PRR5: variants seen among roughly 807,000 people sequenced by gnomAD.
PRR5 encodes proline rich 5, also known as proline-rich protein 5.
A neutral mutation model predicts 30.6 loss-of-function variants in PRR5; 25 were observed. The observed-to-expected ratio is 0.82, with a 90% CI of 0.60 to 1.14. The LOEUF (loss-of-function observed/expected upper bound fraction) is 1.14. PRR5 is among the 50% of genes most tolerant of loss of function. The pLI is 0.00. For synonymous variants in PRR5, 286 were observed against 247.1 expected (o/e 1.16, Z -1.48); for missense variants, 600 against 547.1 (o/e 1.10, Z -0.96).
rs146968587 is a variant in PRR5 at position 44,707,671 on chromosome 22, C to T, written c.134+5063C>T. ...TACCAAGCCCTCTGAGCCAGTGCCC[C>T]GCCAGTTGCCCTCACCTCTGTCTGG... On this transcript the variant is annotated intron_variant, in intron 1 of 7. Transcript: ENST00000336985. 4.2e-3 allele frequency among the ~76,000 whole-genome samples: 639 copies of T among 152,344 alleles called. 2 individuals carry two copies. Among genetic ancestry groups the T allele is most frequent in the African/African-American group, 0.014 (600 of 41,592 alleles).
chr22:44,731,689 G>A (rs146718985), intron 4 of PRR5, 41 bp from the exon 5 acceptor site: 53 of 1,602,118 alleles, frequency 3.3e-5, no homozygotes, highest in Middle Eastern at 3.3e-4. Context: ...GCATCTGCCC[G>A]CGCCAGTCAG....
chr22:44,718,042 A>G (rs6007260), intron 2 of PRR5, among the ~76,000 whole-genome samples: 54,010 of 151,862 alleles, frequency 0.36, 9,880 homozygotes, highest in South Asian at 0.56. Flanking sequence ...TTCATGCCAT[A>G]TCATATTCTA....
At chr22:44,702,644 GGAGCCGGGGGAGGGGACCCCT>G (rs1341517254) in intron 1 of PRR5, 36 bp downstream of exon 1, 1 of 1,263,782 alleles carries the variant, frequency 7.9e-7, no homozygotes, top group East Asian at 3.2e-5. Flanking sequence ...CGGAGGCCCT[GGAGCCGGGGGAGGGGACCCCT>G]GAGCCGTCCG....
chr22:44,723,894 G>A (rs911270234), intron 2 of PRR5, among the ~76,000 whole-genome samples: 1 of 152,182 alleles, frequency 6.6e-6, no homozygotes, highest in Non-Finnish European at 1.5e-5. Context: ...TGGCAGACAA[G>A]GAGGCAACAC....
chr22:44,716,232 G>A (rs1311049089), intron 2 of PRR5, among the ~76,000 whole-genome samples: 1 of 152,232 alleles, frequency 6.6e-6, no homozygotes. Context: ...AAAATCGGGG[G>A]CTGTGTTAAA....
Position 44,731,812 on chromosome 22 carries a change from C to T in PRR5, c.405C>T (p.Tyr135=). 6.2e-7 allele frequency: 1 copy of T among 1,613,188 alleles called. No homozygotes were observed. The highest frequency in any genetic ancestry group is 8.5e-7 in the Non-Finnish European group (1 of 1,179,950). Residue 135 remains tyrosine, a synonymous_variant, in exon 5 of 8, where the codon TAC becomes TAT. Coordinates refer to ENST00000336985, the MANE Select transcript of PRR5 (RefSeq NM_181333.4). ...TGCCCATGCTGCAGGCCATCTTCTA[C>T]CCGGTGCAGGTGGGCAGCCCAGCCC... ...DVLPMLQAIF[Y]PVQGKEPSVR...
upstream of PRR5, among the ~76,000 whole-genome samples, chr22:44,699,592 A>G (rs571023790): frequency 2.6e-5 from 4 of 152,342 alleles, no homozygotes; most frequent in African/African-American, 2.4e-5. Context: ...CCAAATATCT[A>G]TGAAGCACCC....
At chr22:44,675,015 G>A (rs1295427458), upstream of PRR5, among the ~76,000 whole-genome samples, 5 of 149,060 alleles carry the variant, frequency 3.4e-5, no homozygotes, top group Non-Finnish European at 5.9e-5. Context: ...TTGGGAGGCC[G>A]AGGCGGGTGG....
At chr22:44,703,247 A>G (rs1292720376) in intron 1 of PRR5, among the ~76,000 whole-genome samples, 1 of 151,798 alleles carries the variant, frequency 6.6e-6, no homozygotes, top group African/African-American at 2.4e-5. Flanking sequence ...ATTTAGTGGA[A>G]CTCCCCAGCG....
In PRR5 at chr22:44,714,530, A is replaced by G. The variant is rs1225389690; in HGVS notation, c.135-61A>G. On this transcript the variant is annotated intron_variant, in intron 1 of 7. Transcript: ENST00000336985. Reference sequence around the variant, plus strand: ...GAGAGGGAAAGAGGAATGGGGCCTGATGGGCAACCAGGGGGCTCTCAGACC... The same window carrying G: ...GAGAGGGAAAGAGGAATGGGGCCTGGTGGGCAACCAGGGGGCTCTCAGACC... 1.1e-5 allele frequency: 18 copies of G among 1,599,200 alleles called. No homozygotes were observed. In the Admixed American group the frequency reaches 2.7e-4, roughly 24 times the overall value.
rs774984134 is a variant in PRR5, at chr22:44,735,098, G to A, written c.627G>A (p.Ser209=). 49 of 1,612,314 alleles carry A rather than the reference G, an allele frequency of 3.0e-5. No individual in the cohort carries two copies. Among genetic ancestry groups the A allele is most frequent in the Middle Eastern group, 1.6e-4 (1 of 6,082 alleles). ...AGACGCTGGTCCAGAAGGTGGTGTC[G>A]CCATACCTGGGCACCTACGGCCTCC... ...RLETLVQKVV[S]PYLGTYGLHS... The change falls in exon 7 of 8, where the codon TCG becomes TCA. Residue 209 remains serine (S), a synonymous_variant. Transcript: ENST00000336985.
intron 1 of PRR5, among the ~76,000 whole-genome samples, chr22:44,677,747 G>A: frequency 6.6e-6 from 1 of 152,226 alleles, no homozygotes; most frequent in East Asian, 1.9e-4. Context: ...CTCACATGCT[G>A]TGTGACCTTG....
At chr22:44,702,190 C>CCGGGTCCGCCCG (rs1231104524), upstream of PRR5, 3 of 1,024,208 alleles carry the variant, frequency 2.9e-6, no homozygotes, top group East Asian at 1.9e-4. Flanking sequence ...GGGCCCGCCC[C>CCGGGTCCGCCCG]CGGGTCCGCC....
intron 1 of PRR5, among the ~76,000 whole-genome samples, chr22:44,684,117 G>A (rs908061489): frequency 4.6e-5 from 7 of 152,196 alleles, no homozygotes; most frequent in Admixed American, 1.3e-4. Context: ...GAGGGGCCTG[G>A]GGCTTTTCAG....
chr22:44,726,577 A>G lies in PRR5; in HGVS notation c.265A>G (p.Asn89Asp). 6.2e-7 allele frequency: 1 copy of G among 1,614,084 alleles called. No individual in the cohort carries two copies. Among genetic ancestry groups the G allele is most frequent in the Non-Finnish European group, 8.5e-7 (1 of 1,180,034 alleles). ...ACAGCCCCTCTGTGTTTACCTTCAG[A>G]ACCAGCTGCTGACAAAAGGCATGGT... The part of the protein sequence containing the change: ...LGSFFTEYLQ[N>D]QLLTKGMVIL... Residue 89 changes from asparagine to aspartate, a missense_variant and splice_region_variant, in exon 4 of 8, where the codon AAC becomes GAC. Coordinates refer to ENST00000336985, the MANE Select transcript of PRR5 (RefSeq NM_181333.4).
intron 1 of PRR5, among the ~76,000 whole-genome samples, chr22:44,707,947 T>C (rs1047271414): frequency 6.6e-6 from 1 of 152,148 alleles, no homozygotes; most frequent in Admixed American, 6.6e-5. Context: ...GGCCCCAAGA[T>C]GCCAGCCTCG....
upstream of PRR5, among the ~76,000 whole-genome samples, chr22:44,699,590 C>T (rs1926072411): frequency 6.6e-6 from 1 of 152,236 alleles, no homozygotes; most frequent in South Asian, 2.1e-4. Flanking sequence ...AACCAAATAT[C>T]TATGAAGCAC....
In PRR5 at chr22:44,736,781, T is replaced by C; in HGVS notation, c.701T>C (p.Leu234Pro). Residue 234 changes from leucine to proline, a missense_variant, in exon 8 of 8, where the codon CTC becomes CCC. Physicochemically the swap from Leu to Pro is moderately conservative, Grantham distance 98 (BLOSUM62 -3). Coordinates refer to ENST00000336985, the MANE Select transcript of PRR5 (RefSeq NM_181333.4). ...CCGTGTCTCTCCCCAGAAAAGCGCC[T>C]CCTCCGCCGCTCCCGCTCGGGGGAC... is the stretch of plus-strand genomic sequence containing the variant. ...FTHSCILEKR[L>P]LRRSRSGDVL... 2 of 1,542,282 alleles carry C rather than the reference T, an allele frequency of 1.3e-6. No individual in the cohort carries two copies. Among genetic ancestry groups the C allele is most frequent in the Non-Finnish European group, 1.8e-6 (2 of 1,140,850 alleles).
rs200927358 is a variant in PRR5, at chr22:44,725,217, C to T, written c.216-27C>T. On this transcript the variant is annotated intron_variant, in intron 2 of 7. Coordinates refer to ENST00000336985, the MANE Select transcript of PRR5 (RefSeq NM_181333.4). The stretch of plus-strand genomic sequence containing the variant: ...TGCCAGTGCCGTGTGGTCTGGGACT[C>T]ACTCTTGTCTCACCTCCCACCCACA... The T allele has an allele frequency of 2.1e-4, 336 of 1,613,532 alleles. 3 individuals carry two copies. The African/African-American group carries it at 4.0e-3, about 19-fold the overall frequency.
Sources: allele counts gnomAD v4.1 joint callset (sites outside exome capture counted in the v4.1 genomes callset), GRCh38; gene constraint gnomAD v4.1.1; transcripts MANE v1.5; gene names NCBI Gene and HGNC (gene_info 2026-07-23, HGNC 2026-07-21).